EYS: variants seen among roughly 807,000 people sequenced by gnomAD.
The protein encoded by EYS is EGF-like photoreceptor maintenance factor, also known as protein eyes shut homolog.
EYS carries 250 observed loss-of-function variants against 282.1 expected under a neutral mutation model. The observed-to-expected ratio is 0.89, with a 90% CI of 0.80 to 0.98. EYS has a LOEUF of 0.98. EYS is among the 50% of genes least tolerant of loss of function. EYS has a pLI of 0.00. For missense variants in EYS, 4,016 were observed against 3,709.0 expected (o/e 1.08, Z -2.15); for synonymous variants, 1,355 against 1,282.9 (o/e 1.06, Z -1.20).
intron 1 of EYS, among the ~76,000 whole-genome samples, chr6:65,651,114 A>G (rs1767636698): frequency 6.6e-6 from 1 of 152,082 alleles, no homozygotes; most frequent in Non-Finnish European, 1.5e-5. Flanking sequence ...TATAGTGGCA[A>G]AAGTCTTAGA....
In EYS at chr6:63,788,250, C is replaced by T; in HGVS notation, c.7579-1G>A. The T allele has an allele frequency of 6.6e-7, 1 of 1,525,496 alleles. No homozygotes were observed. Among genetic ancestry groups the T allele is most frequent in the Non-Finnish European group, 8.8e-7 (1 of 1,139,156 alleles). The allele number at this position is 1,525,496 out of a possible 1,614,324, so 94.5% of individuals were successfully genotyped here. A position where few individuals can be genotyped will look rare whatever the true frequency, so the allele number is the denominator to read the frequency against. On this transcript the variant is annotated splice_acceptor_variant, in intron 38 of 42. Transcript: ENST00000503581. LOFTEE classifies it high-confidence loss of function. ...TGGATTTATTTTTATGATCATCTAC[C>T]TTCGAAAGGGAAAAAAAACCTATTA...
intron 2 of EYS, among the ~76,000 whole-genome samples, chr6:65,514,071 CT>C (rs1767019392): frequency 6.6e-6 from 1 of 151,966 alleles, no homozygotes; most frequent in African/African-American, 2.4e-5. Context: ...TCTCCTTAAG[CT>C]GATAAGCAAC....
intron 23 of EYS, among the ~76,000 whole-genome samples, chr6:64,621,985 T>C (rs1221277114): frequency 6.6e-6 from 1 of 152,136 alleles, no homozygotes; most frequent in African/African-American, 2.4e-5. Context: ...ACACACTAAG[T>C]GTGTTTCTAT....
At chr6:64,264,586 G>A (rs1020229293) in intron 30 of EYS, among the ~76,000 whole-genome samples, 3 of 152,090 alleles carry the variant, frequency 2.0e-5, no homozygotes, top group Non-Finnish European at 2.9e-5. Context: ...CAGAGTCAAG[G>A]TGTGAGATAA....
At chr6:64,921,756 C>T (rs1482233965) in intron 15 of EYS, among the ~76,000 whole-genome samples, 1 of 152,086 alleles carries the variant, frequency 6.6e-6, no homozygotes, top group African/African-American at 2.4e-5. Flanking sequence ...AAATTAGAAA[C>T]AGAAAATAAA....
At chr6:64,240,735 C>T (rs953842791) in intron 30 of EYS, among the ~76,000 whole-genome samples, 1 of 152,114 alleles carries the variant, frequency 6.6e-6, no homozygotes, top group Non-Finnish European at 1.5e-5. Context: ...TGATTGAATA[C>T]CCCTTGTTTC....
intron 35 of EYS, among the ~76,000 whole-genome samples, chr6:63,934,295 T>C (rs974072107): frequency 6.6e-6 from 1 of 152,198 alleles, no homozygotes; most frequent in South Asian, 2.1e-4. Flanking sequence ...CTTTACACTG[T>C]TGGTGGGACT....
At chr6:64,340,492 T>C (rs1244210313) in intron 29 of EYS, among the ~76,000 whole-genome samples, 1 of 151,860 alleles carries the variant, frequency 6.6e-6, no homozygotes, top group Non-Finnish European at 1.5e-5. Flanking sequence ...ATTCAATAAA[T>C]GGTGCTGGGA....
intron 41 of EYS, among the ~76,000 whole-genome samples, chr6:63,735,924 C>T (rs1465841275): frequency 6.6e-6 from 1 of 152,054 alleles, no homozygotes; most frequent in Non-Finnish European, 1.5e-5. Flanking sequence ...TCTGCACGAT[C>T]GATTCAAACC....
intron 28 of EYS, among the ~76,000 whole-genome samples, chr6:64,398,814 A>G (rs866134798): frequency 6.6e-5 from 10 of 152,006 alleles, no homozygotes; most frequent in Non-Finnish European, 1.3e-4. Context: ...TTTTTTGAAA[A>G]TATCAATGAT....
At chr6:64,178,103 C>A (rs538450564) in intron 31 of EYS, among the ~76,000 whole-genome samples, 1 of 151,912 alleles carries the variant, frequency 6.6e-6, no homozygotes, top group Non-Finnish European at 1.5e-5. Context: ...ATGAAAGAAG[C>A]GATACAGGTT....
At position 63,721,190 on chromosome 6, in the gene EYS, A is replaced by G. The variant is rs975390348; in HGVS notation, c.8841T>C (p.Tyr2947=). Residue 2947 remains tyrosine (Y), a synonymous_variant, in exon 43 of 43, where the codon TAT becomes TAC. Transcript: ENST00000503581. ...TTGAAAATGAAGTTTTGTTTTCACA[A>G]TACCTTCCCACCCAACCCAAAGTAC... ...CLCTLGWVGR[Y]CENKTSFSTA... 1.9e-6 allele frequency: 3 copies of G among 1,551,550 alleles called. No individual in the cohort carries two copies. The highest frequency in any genetic ancestry group is 2.0e-5 in the Admixed American group (1 of 50,968).
At chr6:64,621,010 A>C (rs1767429806) in intron 23 of EYS, among the ~76,000 whole-genome samples, 1 of 152,058 alleles carries the variant, frequency 6.6e-6, no homozygotes, top group Non-Finnish European at 1.5e-5. Context: ...AATTGGAGTA[A>C]ATTTTTACTA....
At chr6:63,889,448 A>G (rs1490768879) in intron 35 of EYS, among the ~76,000 whole-genome samples, 1 of 152,082 alleles carries the variant, frequency 6.6e-6, no homozygotes, top group Non-Finnish European at 1.5e-5. Context: ...TAGAAACCAG[A>G]AGAGTGGGTG....
At chr6:65,299,553 T>C (rs1187103675) in intron 11 of EYS, among the ~76,000 whole-genome samples, 4 of 152,158 alleles carry the variant, frequency 2.6e-5, no homozygotes, top group Admixed American at 2.6e-4. Flanking sequence ...GTTTTAAATT[T>C]ATTTCCAAGT....
In EYS at chr6:63,832,748, G is replaced by T. The variant is rs149181767; in HGVS notation, c.7229-26376C>A. Among the ~76,000 whole-genome samples, 81 of 152,164 alleles carry T rather than the reference G, an allele frequency of 5.3e-4. No individual in the cohort carries two copies. In the East Asian group the frequency reaches 0.014, roughly 26 times the overall value. On this transcript the variant is annotated intron_variant, in intron 36 of 42. Coordinates refer to ENST00000503581, the MANE Select transcript of EYS (RefSeq NM_001142800.2). ...AACATCATCCTCATACCAAAGCCTG[G>T]CCGAGACACAACAAAAAAAGAGAAT...
At chr6:65,031,910 C>T (rs1238415693) in intron 13 of EYS, among the ~76,000 whole-genome samples, 1 of 151,638 alleles carries the variant, frequency 6.6e-6, no homozygotes, top group Non-Finnish European at 1.5e-5. Flanking sequence ...CATGAAAAAT[C>T]ATACAAAAGA....
At chr6:65,515,602 C>T (rs920477066) in intron 2 of EYS, among the ~76,000 whole-genome samples, 2 of 151,726 alleles carry the variant, frequency 1.3e-5, no homozygotes, top group Non-Finnish European at 2.9e-5. Flanking sequence ...CATGGAATAC[C>T]ATGCAGCCAG....
chr6:64,984,981 A>G (rs1770805626), intron 14 of EYS, among the ~76,000 whole-genome samples: 1 of 151,594 alleles, frequency 6.6e-6, no homozygotes, highest in Non-Finnish European at 1.5e-5. Flanking sequence ...TGAAAATCAG[A>G]CAATGAATAC....
Sources: allele counts gnomAD v4.1 joint callset (sites outside exome capture counted in the v4.1 genomes callset), GRCh38; gene constraint gnomAD v4.1.1; transcripts MANE v1.5; gene names NCBI Gene and HGNC (gene_info 2026-07-23, HGNC 2026-07-21).